The following SUPT3H variants were observed in gnomAD, a reference collection of about 807,000 sequenced individuals.
The protein encoded by SUPT3H is transcription initiation protein SPT3 homolog.
SUPT3H carries 44 observed loss-of-function variants against 44.3 expected under a neutral mutation model. That is an observed-to-expected ratio of 0.99 (90% CI 0.78 to 1.28). The LOEUF is 1.28. Ranked by LOEUF, SUPT3H falls within the 50% of genes most tolerant of loss-of-function variation. The pLI is 0.00. For missense variants in SUPT3H, 380 were observed against 387.1 expected, an observed-to-expected ratio of 0.98 and a Z score of 0.15; for synonymous variants, 124 against 125.6, an observed-to-expected ratio of 0.99 and a Z score of 0.09.
intron 2 of SUPT3H, among the ~76,000 whole-genome samples, chr6:45,292,290 T>C (rs955989164): frequency 1.3e-4 from 20 of 152,038 alleles, no homozygotes; most frequent in Admixed American, 1.0e-3. Flanking sequence ...TAAAAGGAGC[T>C]CTAAATCTTG....
intron 2 of SUPT3H, among the ~76,000 whole-genome samples, chr6:45,284,442 A>G (rs536648642): frequency 7.9e-5 from 12 of 152,212 alleles, no homozygotes; most frequent in Non-Finnish European, 1.5e-4. Context: ...AATACAAACT[A>G]TCATCAGAGA....
At chr6:45,163,247 G>A (rs1204138869) in intron 2 of SUPT3H, among the ~76,000 whole-genome samples, 1 of 152,128 alleles carries the variant, frequency 6.6e-6, no homozygotes, top group Non-Finnish European at 1.5e-5. Context: ...CAAAGCTCAA[G>A]TTGGTACAAT....
At chr6:44,975,357 A>G (rs1035623450) in intron 6 of SUPT3H, among the ~76,000 whole-genome samples, 3 of 152,212 alleles carry the variant, frequency 2.0e-5, no homozygotes, top group Non-Finnish European at 4.4e-5. Context: ...ACAACTGAAT[A>G]AAGAAAATGT....
chr6:44,872,582 T>C (rs1465163862), intron 10 of SUPT3H, among the ~76,000 whole-genome samples: 4 of 151,570 alleles, frequency 2.6e-5, no homozygotes, highest in East Asian at 1.9e-4. Flanking sequence ...AGGAAGAAAC[T>C]GCATCAACTA....
intron 3 of SUPT3H, among the ~76,000 whole-genome samples, chr6:45,100,185 A>G (rs1235363404): frequency 6.6e-6 from 1 of 152,142 alleles, no homozygotes; most frequent in Admixed American, 6.5e-5. Flanking sequence ...CTGGGAAAAT[A>G]TTTCATGAAA....
At chr6:45,373,088 T>A (rs1285095700) in intron 1 of SUPT3H, among the ~76,000 whole-genome samples, 1 of 152,122 alleles carries the variant, frequency 6.6e-6, no homozygotes, top group Non-Finnish European at 1.5e-5. Flanking sequence ...ATTACAGTTG[T>A]GAGTCACCGC....
chr6:45,092,124 A>G (rs942219460), intron 3 of SUPT3H, among the ~76,000 whole-genome samples: 2 of 152,008 alleles, frequency 1.3e-5, no homozygotes, highest in East Asian at 3.9e-4. Flanking sequence ...CTACACCGTC[A>G]CAACTTCTTG....
chr6:44,890,322 C>A (rs560606932), intron 10 of SUPT3H, among the ~76,000 whole-genome samples: 5 of 150,944 alleles, frequency 3.3e-5, no homozygotes, highest in African/African-American at 1.2e-4. Context: ...ATGTTTATTG[C>A]GGCATTATTC....
At chr6:45,344,033 T>C (rs1222966596) in intron 2 of SUPT3H, among the ~76,000 whole-genome samples, 1 of 152,156 alleles carries the variant, frequency 6.6e-6, no homozygotes, top group Non-Finnish European at 1.5e-5. Context: ...TGACTACTAA[T>C]TGAATAAAAC....
intron 2 of SUPT3H, among the ~76,000 whole-genome samples, chr6:45,229,868 T>C (rs1015390364): frequency 6.6e-6 from 1 of 152,180 alleles, no homozygotes; most frequent in Non-Finnish European, 1.5e-5. Context: ...GAAATATATA[T>C]AATATTCTTA....
At chr6:45,049,142 A>G (rs1012204438) in intron 3 of SUPT3H, among the ~76,000 whole-genome samples, 5 of 152,174 alleles carry the variant, frequency 3.3e-5, no homozygotes, top group Non-Finnish European at 7.3e-5. Flanking sequence ...CATGACAAAT[A>G]TATACAATTG....
chr6:44,863,852 C>T (rs1775060676), intron 10 of SUPT3H, among the ~76,000 whole-genome samples: 1 of 152,052 alleles, frequency 6.6e-6, no homozygotes, highest in Admixed American at 6.5e-5. Flanking sequence ...GAATAAGAGT[C>T]AAGTGGAACA....
intron 2 of SUPT3H, among the ~76,000 whole-genome samples, chr6:45,255,141 T>G (rs1773124938): frequency 6.6e-6 from 1 of 152,142 alleles, no homozygotes; most frequent in Non-Finnish European, 1.5e-5. Flanking sequence ...TAATTAAACT[T>G]TATCAAAGGT....
intron 2 of SUPT3H, among the ~76,000 whole-genome samples, chr6:45,346,872 A>T (rs1392994586): frequency 1.3e-5 from 2 of 152,174 alleles, no homozygotes; most frequent in Non-Finnish European, 2.9e-5. Context: ...GCCTCAATAA[A>T]CATTTCTTAA....
rs892944269 is a variant in SUPT3H at position 45,058,982 on chromosome 6, T to C, written c.187-38350A>G. On this transcript the variant is annotated intron_variant, in intron 3 of 10. Coordinates refer to ENST00000371459, the MANE Select transcript of SUPT3H (RefSeq NM_003599.4). Reference sequence around the variant, plus strand: ...GACTATTTAAGCACTTTGTACCTTTTTCTTTATGACACTTATATTTATAAT... The same window carrying C: ...GACTATTTAAGCACTTTGTACCTTTCTCTTTATGACACTTATATTTATAAT... 5.9e-5 allele frequency among the ~76,000 whole-genome samples: 9 copies of C among 152,284 alleles called. No homozygotes were observed. The Middle Eastern group carries it at 0.017, about 288-fold the overall frequency.
At chr6:44,968,765 C>A (rs1777137052) in intron 6 of SUPT3H, among the ~76,000 whole-genome samples, 1 of 152,014 alleles carries the variant, frequency 6.6e-6, no homozygotes, top group African/African-American at 2.4e-5. Context: ...GTCCTGTGTC[C>A]CCACATCACT....
intron 3 of SUPT3H, among the ~76,000 whole-genome samples, chr6:45,053,349 C>T (rs1827224076): frequency 6.6e-6 from 1 of 151,950 alleles, no homozygotes; most frequent in Admixed American, 6.6e-5. Context: ...GGCAAGTAAT[C>T]AGGAATACCA....
chr6:45,340,610 C>T (rs941150160), intron 2 of SUPT3H, among the ~76,000 whole-genome samples: 1 of 151,918 alleles, frequency 6.6e-6, no homozygotes, highest in African/African-American at 2.4e-5. Context: ...AAGCATAAGC[C>T]ACCGCACCTG....
chr6:44,850,601 G>A (rs1772701422), intron 10 of SUPT3H, among the ~76,000 whole-genome samples: 1 of 152,106 alleles, frequency 6.6e-6, no homozygotes, highest in South Asian at 2.1e-4. Context: ...GTTCTCTGTG[G>A]TTAGCAAGAC....
Sources: allele counts gnomAD v4.1 joint callset (sites outside exome capture counted in the v4.1 genomes callset), GRCh38; gene constraint gnomAD v4.1.1; transcripts MANE v1.5; gene names NCBI Gene and HGNC (gene_info 2026-07-23, HGNC 2026-07-21).